KDM5B: variants seen among roughly 807,000 people sequenced by gnomAD.
KDM5B encodes the protein lysine demethylase 5B, also known as lysine-specific demethylase 5B.
KDM5B carries 144 observed loss-of-function variants against 193.4 expected under a neutral mutation model. That is an observed-to-expected ratio of 0.74 (90% confidence interval 0.65 to 0.86). KDM5B has a LOEUF of 0.86. Ranked by LOEUF, KDM5B falls within the 40% of genes least tolerant of loss-of-function variation. KDM5B has a pLI of 0.00. For synonymous variants in KDM5B, 668 were observed against 682.6 expected, an observed-to-expected ratio of 0.98 and a Z score of 0.33; for missense variants, 1,833 against 1,886.9, an observed-to-expected ratio of 0.97 and a Z score of 0.53.
Position 202,808,404 on chromosome 1 carries a change from A to C in KDM5B, c.-99T>G. 1 of 1,116,930 alleles carries C rather than the reference A, an allele frequency of 9.0e-7. No individual in the cohort carries two copies. Among genetic ancestry groups the C allele is most frequent in the Non-Finnish European group, 1.2e-6 (1 of 806,278 alleles). 69.2% of individuals were successfully genotyped at this position (1,116,930 alleles called of 1,614,324 possible). A position where few individuals can be genotyped will look rare whatever the true frequency, so the allele number is the denominator to read the frequency against. ...CCCGTGCAGACGCGGCTCGAGCAAC[A>C]GCAAGTCCGAGTTGTACGGGCAACG... On this transcript the variant is annotated 5_prime_UTR_variant, in exon 1 of 27. Transcript: ENST00000367265.
In KDM5B at chr1:202,775,928, C is replaced by T. The variant is rs149638561; in HGVS notation, c.282+1089G>A. Among the ~76,000 whole-genome samples the T allele has an allele frequency of 8.9e-4, 111 of 125,142 alleles. 3 individuals are homozygous for T. In the East Asian group the frequency reaches 0.026, roughly 30 times the overall value. 82.1% of individuals were successfully genotyped at this position (125,142 alleles called of 152,430 possible). A position where few individuals can be genotyped will look rare whatever the true frequency, so the allele number is the denominator to read the frequency against. On this transcript the variant is annotated intron_variant, in intron 2 of 26. Transcript: ENST00000367265. ...TAATATATACACACACATACATTAA[C>T]TCAACAAAAATTTAATTCAGGCTGG...
chr1:202,759,329 C>T (rs562504180), intron 8 of KDM5B, among the ~76,000 whole-genome samples: 152 of 152,072 alleles, frequency 1.0e-3, no homozygotes, highest in African/African-American at 3.6e-3. Flanking sequence ...ACCTGAGCTC[C>T]GGAGTTCTGA....
Position 202,733,683 on chromosome 1 carries a change from A to C in KDM5B, c.3627T>G (p.Ile1209Met). Reference protein sequence around the residue: ...FHTSCVAVPSISQGLRIWLCP... With the variant: ...FHTSCVAVPSMSQGLRIWLCP... The stretch of plus-strand genomic sequence containing the variant: ...AAAGCCAGATTCGCAGGCCCTGTGA[A>C]ATACTGGGTACCGCCACACAACTGG... Residue 1209 changes from isoleucine to methionine, a missense_variant, in exon 23 of 27, where the codon ATT becomes ATG. This residue lies in a region of KDM5B where 1,379 missense variants were observed against 1,349.6 expected (regional missense o/e 1.02). Coordinates refer to ENST00000367265, the MANE Select transcript of KDM5B (RefSeq NM_006618.5). The C allele has an allele frequency of 1.2e-6, 2 of 1,614,132 alleles. No individual in the cohort carries two copies. The highest frequency in any genetic ancestry group is 1.1e-5 in the South Asian group (1 of 91,076).
chr1:202,735,571 C>T lies in KDM5B; in HGVS notation c.3281G>A (p.Cys1094Tyr). ...TTTCAATCCCAAAAGGCCAATATCA[C>T]ATCGAGGACACAGCACCTAATGTGG... ...YSLLEVLCPR[C>Y]DIGLLGLKRK... The change falls in exon 22 of 27, where the codon TGT (cysteine) becomes TAT (tyrosine). Residue 1094 changes from cysteine to tyrosine, a missense_variant. Cys to Tyr is a radical substitution (Grantham distance 194, BLOSUM62 -2). Transcript: ENST00000367265. 6.2e-7 allele frequency: 1 copy of T among 1,613,914 alleles called. No individual in the cohort carries two copies. Among genetic ancestry groups the T allele is most frequent in the Non-Finnish European group, 8.5e-7 (1 of 1,179,864 alleles).
chr1:202,767,984 T>C (rs1558502285), intron 4 of KDM5B, among the ~76,000 whole-genome samples: 1 of 152,358 alleles, frequency 6.6e-6, no homozygotes, highest in East Asian at 1.9e-4. Context: ...GTTTCAGATA[T>C]AACTAGCAAA....
chr1:202,801,330 C>T (rs917064359), intron 1 of KDM5B, among the ~76,000 whole-genome samples: 3 of 151,672 alleles, frequency 2.0e-5, no homozygotes, highest in Admixed American at 1.3e-4. Flanking sequence ...AAGATATATG[C>T]TGATGGTGCT....
chr1:202,779,194 A>C (rs958819783), intron 1 of KDM5B, among the ~76,000 whole-genome samples: 9 of 152,146 alleles, frequency 5.9e-5, no homozygotes, highest in Middle Eastern at 3.2e-3. Context: ...CACAGCCTTT[A>C]AACTCAATTT....
intron 1 of KDM5B, among the ~76,000 whole-genome samples, chr1:202,787,420 T>C (rs993612050): frequency 2.6e-5 from 4 of 152,220 alleles, no homozygotes; most frequent in East Asian, 1.9e-4. Context: ...ATTGTATCTA[T>C]AGATTTTTTA....
intron 12 of KDM5B, among the ~76,000 whole-genome samples, chr1:202,752,426 A>C (rs1655825093): frequency 6.6e-6 from 1 of 151,894 alleles, no homozygotes; most frequent in Non-Finnish European, 1.5e-5. Context: ...GTAGTTGGCT[A>C]TACCATCTAG....
intron 2 of KDM5B, among the ~76,000 whole-genome samples, chr1:202,775,585 G>A (rs956376500): frequency 3.3e-5 from 5 of 150,332 alleles, no homozygotes; most frequent in Admixed American, 2.0e-4. Context: ...GTCGGGTGTG[G>A]TAGCTCACAC....
intron 4 of KDM5B, among the ~76,000 whole-genome samples, chr1:202,769,958 G>A (rs1428739443): frequency 6.6e-6 from 1 of 152,132 alleles, no homozygotes; most frequent in Admixed American, 6.5e-5. Flanking sequence ...GACATAAATT[G>A]TATTAAGTGG....
chr1:202,790,395 G>A (rs574357897), intron 1 of KDM5B, among the ~76,000 whole-genome samples: 5 of 152,126 alleles, frequency 3.3e-5, no homozygotes, highest in African/African-American at 1.2e-4. Flanking sequence ...TGGGCAAGGT[G>A]GCAAAATCTC....
chr1:202,772,571 T>C (rs940681787), intron 4 of KDM5B, among the ~76,000 whole-genome samples: 1 of 152,120 alleles, frequency 6.6e-6, no homozygotes, highest in African/African-American at 2.4e-5. Context: ...AATAATCAAC[T>C]CCTCAGCTTT....
intron 19 of KDM5B, among the ~76,000 whole-genome samples, chr1:202,741,036 T>A (rs1157238599): frequency 6.6e-6 from 1 of 152,226 alleles, no homozygotes; most frequent in Non-Finnish European, 1.5e-5. Context: ...CCGTATTAAC[T>A]GTGAGTTTAA....
intron 25 of KDM5B, 45 bp downstream of exon 25, chr1:202,730,864 C>CCA: frequency 6.5e-7 from 1 of 1,533,460 alleles, no homozygotes; most frequent in South Asian, 1.3e-5. Flanking sequence ...AAGCATACCC[C>CCA]CACCCCAGAC....
intron 1 of KDM5B, chr1:202,807,238 A>G (rs1243394620): frequency 1.3e-5 from 2 of 151,980 alleles, no homozygotes; most frequent in African/African-American, 4.8e-5. Flanking sequence ...CCCCATCCCC[A>G]CCAGCACAGC....
intron 1 of KDM5B, among the ~76,000 whole-genome samples, chr1:202,794,084 G>A (rs1328759960): frequency 6.6e-6 from 1 of 152,186 alleles, no homozygotes; most frequent in Non-Finnish European, 1.5e-5. Context: ...AAATTTCACT[G>A]TATAAACTTC....
rs1654688478 is a variant in KDM5B, at chr1:202,726,780, A to G, written c.*2256T>C. 1 of 152,270 alleles carries G rather than the reference A, an allele frequency of 6.6e-6. No homozygotes were observed. Among genetic ancestry groups the G allele is most frequent in the African/African-American group, 2.4e-5 (1 of 41,472 alleles). 9.4% of individuals were successfully genotyped at this position (152,270 alleles called of 1,614,324 possible). On this transcript the variant is annotated 3_prime_UTR_variant, in exon 27 of 27. Transcript: ENST00000367265. ...GATACAACAAAGGCATAAACTGGAAAGTAAACGTTATCTGTGTTCATTAGT... is the reference window on the plus strand; with the variant it reads ...GATACAACAAAGGCATAAACTGGAAGGTAAACGTTATCTGTGTTCATTAGT...
intron 20 of KDM5B, among the ~76,000 whole-genome samples, chr1:202,739,077 A>T (rs988860849): frequency 2.0e-5 from 3 of 152,214 alleles, no homozygotes; most frequent in African/African-American, 7.2e-5. Context: ...ATTTAGTCAT[A>T]TAACTAGATT....
Sources: gnomAD v4.1 joint callset for allele counts (sites outside exome capture counted in the v4.1 genomes callset) on GRCh38, gnomAD v4.1.1 for gene constraint, gnomAD v4.1.1 regional missense constraint, MANE v1.5 for transcripts, NCBI Gene and HGNC (gene_info 2026-07-23, HGNC 2026-07-21) for gene names.